Variants in ARL5B observed in about 807,000 individuals in gnomAD.
ARL5B encodes ADP-ribosylation factor-like protein 5B.
ARL5B carries 10 observed loss-of-function variants against 26.9 expected under a neutral mutation model. The observed-to-expected ratio is 0.37, with a 90% CI of 0.23 to 0.63. The LOEUF (loss-of-function observed/expected upper bound fraction) is 0.63, where lower values mean the gene tolerates loss of function less well. Ranked by LOEUF, ARL5B falls within the 30% of genes least tolerant of loss-of-function variation. The probability of loss-of-function intolerance (pLI) is 0.62; values close to 1 mark genes in which losing one functional copy is unlikely to be tolerated. For missense variants in ARL5B, 167 were observed against 213.9 expected, an observed-to-expected ratio of 0.78 and a Z score of 1.37; for synonymous variants, 87 against 70.4, an observed-to-expected ratio of 1.24 and a Z score of -1.18.
Position 18,659,470 on chromosome 10 carries a change from C to G in ARL5B, c.-168C>G. 3.6e-6 allele frequency: 3 copies of G among 840,298 alleles called. No homozygotes were observed. The highest frequency in any genetic ancestry group is 3.9e-5 in the South Asian group (2 of 51,706). The allele number at this position is 840,298 out of a possible 1,614,324, so 52.1% of individuals were successfully genotyped here. A position where few individuals can be genotyped will look rare whatever the true frequency, so the allele number is the denominator to read the frequency against. ...AAAGGGCTGTCCGGTGGGGATTCGT[C>G]GCGGCGCCTTCTGAGTGGTCGGGTC... On this transcript the variant is annotated 5_prime_UTR_variant, in exon 1 of 6. Coordinates refer to ENST00000377275, the MANE Select transcript of ARL5B (RefSeq NM_178815.5).
intron 2 of ARL5B, among the ~76,000 whole-genome samples, chr10:18,666,968 C>G (rs2059864039): frequency 6.6e-6 from 1 of 152,184 alleles, no homozygotes; most frequent in Non-Finnish European, 1.5e-5. Context: ...ATTGATAGCT[C>G]TAGGAAGCCA....
At position 18,678,271 on chromosome 10, in the gene ARL5B, TA is replaced by T. The variant is rs1167941060; in HGVS notation, c.*3056del. ...ATCAATACTTTTATTCTATATTCAT[TA>T]GAAGAAAGGTAATAAATTTAAGTTT... is the stretch of plus-strand genomic sequence containing the variant. On this transcript the variant is annotated 3_prime_UTR_variant, in exon 6 of 6. Transcript: ENST00000377275. 1 of 151,814 alleles carries T rather than the reference TA, an allele frequency of 6.6e-6. No individual in the cohort carries two copies. Among genetic ancestry groups the T allele is most frequent in the Non-Finnish European group, 1.5e-5 (1 of 67,762 alleles). 9.4% of individuals were successfully genotyped at this position (151,814 alleles called of 1,614,324 possible).
chr10:18,665,110 G>A (rs929540177), intron 1 of ARL5B, among the ~76,000 whole-genome samples: 3 of 152,270 alleles, frequency 2.0e-5, no homozygotes, highest in African/African-American at 7.2e-5. Flanking sequence ...CAGTCTGTTT[G>A]TTCCTCACTG....
intron 1 of ARL5B, 51 bp from the exon 2 acceptor site, chr10:18,666,524 T>C: frequency 7.1e-7 from 1 of 1,407,104 alleles, no homozygotes; most frequent in Non-Finnish European, 9.8e-7. Flanking sequence ...AAGCATGTAA[T>C]TGCAGTAATG....
chr10:18,672,094 T>G (rs1478030437), intron 3 of ARL5B, among the ~76,000 whole-genome samples: 1 of 152,244 alleles, frequency 6.6e-6, no homozygotes, highest in African/African-American at 2.4e-5. Context: ...TATATATGTT[T>G]CAATCTGGAG....
rs566874530 is a variant in ARL5B at position 18,675,084 on chromosome 10, T to C, written c.492-84T>C. The stretch of plus-strand genomic sequence containing the variant: ...AAATAATGATTGTGCTACCAGCCTT[T>C]GGTTAAGACCTAAAAATAATAAGTA... On this transcript the variant is annotated intron_variant, in intron 5 of 5. Coordinates refer to ENST00000377275, the MANE Select transcript of ARL5B (RefSeq NM_178815.5). 5 of 1,246,756 alleles carry C rather than the reference T, an allele frequency of 4.0e-6. No homozygotes were observed. The African/African-American group carries it at 6.0e-5, about 15-fold the overall frequency. The allele number at this position is 1,246,756 out of a possible 1,614,324, so 77.2% of individuals were successfully genotyped here. A position where few individuals can be genotyped will look rare whatever the true frequency, so the allele number is the denominator to read the frequency against.
intron 5 of ARL5B, 86 bp downstream of exon 5, chr10:18,674,221 G>A: frequency 7.9e-7 from 1 of 1,265,892 alleles, no homozygotes; most frequent in Non-Finnish European, 1.1e-6. Flanking sequence ...CATGGGTCCT[G>A]TTCCTTTTCT....
In ARL5B at chr10:18,680,879, T is replaced by G. The variant is rs934890922; in HGVS notation, c.*5663T>G. 7 of 152,148 alleles carry G rather than the reference T, an allele frequency of 4.6e-5. No individual in the cohort carries two copies. The highest frequency in any genetic ancestry group is 1.7e-4 in the African/African-American group (7 of 41,448). 9.4% of individuals were successfully genotyped at this position (152,148 alleles called of 1,614,324 possible). ...TGATTATAATCACACTTTGCTATTT[T>G]AACATAAATTGGTGCTTTAGAGCAT... On this transcript the variant is annotated 3_prime_UTR_variant, in exon 6 of 6. Transcript: ENST00000377275.
Position 18,659,608 on chromosome 10 carries a change from G to A in ARL5B, c.-30G>A. 6.2e-7 allele frequency: 1 copy of A among 1,603,820 alleles called. No individual in the cohort carries two copies. Among genetic ancestry groups the A allele is most frequent in the Non-Finnish European group, 8.5e-7 (1 of 1,175,742 alleles). ...CCGGCGCAGCGGCACCTGCTGCCGA[G>A]GGACCCCGCGGCCCGCCCCGGTGCT... On this transcript the variant is annotated 5_prime_UTR_variant, in exon 1 of 6. Coordinates refer to ENST00000377275, the MANE Select transcript of ARL5B (RefSeq NM_178815.5).
At chr10:18,663,991 G>T (rs1419309786) in intron 1 of ARL5B, among the ~76,000 whole-genome samples, 1 of 150,164 alleles carries the variant, frequency 6.7e-6, no homozygotes, top group Non-Finnish European at 1.5e-5. Context: ...GTGTTGCTCT[G>T]TCACCAGGCT....
In ARL5B at chr10:18,678,502, C is replaced by CT. The variant is rs1295141132; in HGVS notation, c.*3291dup. On this transcript the variant is annotated 3_prime_UTR_variant, in exon 6 of 6. Coordinates refer to ENST00000377275, the MANE Select transcript of ARL5B (RefSeq NM_178815.5). ...GAATATAGAAGCTTTTTTAAAAAAT[C>CT]TTTTTAGTGTAGTTTCTTAGAACAA... The CT allele has an allele frequency of 6.6e-6, 1 of 151,750 alleles. No individual in the cohort carries two copies. Among genetic ancestry groups the CT allele is most frequent in the African/African-American group, 2.4e-5 (1 of 41,390 alleles). The allele number at this position is 151,750 out of a possible 1,614,324, so 9.4% of individuals were successfully genotyped here.
In ARL5B at chr10:18,675,889, A is replaced by G. The variant is rs907562429; in HGVS notation, c.*673A>G. Reference sequence around the variant, plus strand: ...GAATCAAGTCCACTCTTCTGCCTGCAACATTTGTTCAAAAACTAACCAAGG... The same window carrying G: ...GAATCAAGTCCACTCTTCTGCCTGCGACATTTGTTCAAAAACTAACCAAGG... On this transcript the variant is annotated 3_prime_UTR_variant, in exon 6 of 6. Coordinates refer to ENST00000377275, the MANE Select transcript of ARL5B (RefSeq NM_178815.5). 6 of 152,106 alleles carry G rather than the reference A, an allele frequency of 3.9e-5. No homozygotes were observed. Among genetic ancestry groups the G allele is most frequent in the Non-Finnish European group, 8.8e-5 (6 of 67,934 alleles). 9.4% of individuals were successfully genotyped at this position (152,106 alleles called of 1,614,324 possible).
chr10:18,661,104 C>A (rs1442913000), intron 1 of ARL5B, among the ~76,000 whole-genome samples: 2 of 152,208 alleles, frequency 1.3e-5, no homozygotes, highest in South Asian at 4.1e-4. Context: ...CCACCTCGGC[C>A]TCCCAAAGTG....
chr10:18,673,164 G>C (rs2131646101), intron 4 of ARL5B, among the ~76,000 whole-genome samples: 1 of 152,086 alleles, frequency 6.6e-6, no homozygotes, highest in South Asian at 2.1e-4. Context: ...CTGGGTTCAA[G>C]CAGTTCTCTG....
At chr10:18,664,028 A>T (rs562523198) in intron 1 of ARL5B, among the ~76,000 whole-genome samples, 1 of 151,860 alleles carries the variant, frequency 6.6e-6, no homozygotes, top group Non-Finnish European at 1.5e-5. Flanking sequence ...ATCTCAGCTC[A>T]CTGCCACCTC....
intron 4 of ARL5B, among the ~76,000 whole-genome samples, chr10:18,673,580 A>G (rs1450891270): frequency 2.0e-5 from 3 of 152,186 alleles, no homozygotes; most frequent in Non-Finnish European, 4.4e-5. Context: ...CAATGCTGAA[A>G]TGAATATTAA....
intron 2 of ARL5B, among the ~76,000 whole-genome samples, chr10:18,668,076 A>G (rs1164067108): frequency 6.6e-6 from 1 of 152,184 alleles, no homozygotes; most frequent in East Asian, 1.9e-4. Flanking sequence ...TTAGATTAAT[A>G]TGCCTGAATT....
At chr10:18,673,724 T>G (rs1472614733) in intron 4 of ARL5B, among the ~76,000 whole-genome samples, 2 of 152,140 alleles carry the variant, frequency 1.3e-5, no homozygotes, top group Non-Finnish European at 1.5e-5. Context: ...GAATATTAAT[T>G]ATGTATTTTT....
intron 5 of ARL5B, 49 bp downstream of exon 5, chr10:18,674,184 C>T (rs770011485): frequency 1.3e-6 from 2 of 1,535,744 alleles, no homozygotes; most frequent in South Asian, 2.5e-5. Flanking sequence ...AAATTTCTTC[C>T]AACTTTTTAG....
Sources: allele counts gnomAD v4.1 joint callset (sites outside exome capture counted in the v4.1 genomes callset), GRCh38; gene constraint gnomAD v4.1.1; transcripts MANE v1.5; gene names NCBI Gene and HGNC (gene_info 2026-07-23, HGNC 2026-07-21).